The following PDZD9 variants were observed in gnomAD, a reference collection of about 807,000 sequenced individuals.
PDZD9 encodes PDZ domain-containing protein 9.
A neutral mutation model predicts 16.3 loss-of-function variants in PDZD9; 13 were observed. That is an observed-to-expected ratio of 0.80 (90% CI 0.52 to 1.27). The LOEUF is 1.27. Among genes scored for constraint, PDZD9 ranks in the 50% most tolerant of loss-of-function variants. The pLI, the probability that PDZD9 is intolerant of heterozygous loss-of-function variation, is 0.00. For missense variants in PDZD9, 288 were observed against 310.9 expected (o/e 0.93, Z 0.55); for synonymous variants, 120 against 111.0 (o/e 1.08, Z -0.51).
chr16:21,991,321 G>A (rs1436380585), intron 2 of PDZD9, among the ~76,000 whole-genome samples: 2 of 151,172 alleles, frequency 1.3e-5, no homozygotes, highest in African/African-American at 2.4e-5. Context: ...CTGCAGCCTC[G>A]ACCTCCAGGG....
At chr16:21,996,280 G>T in intron 2 of PDZD9, 42 bp downstream of exon 2, 1 of 1,507,624 alleles carries the variant, frequency 6.6e-7, no homozygotes, top group Non-Finnish European at 8.9e-7. Context: ...CAGGCAGATG[G>T]GCAGGATGGG....
chr16:21,968,550 C>A, the PDZD9 span: 1 of 1,350,088 alleles, frequency 7.4e-7, no homozygotes, highest in Non-Finnish European at 1.0e-6. Context: ...TTATTTTCTT[C>A]CAAACTGTAC....
intron 2 of PDZD9, among the ~76,000 whole-genome samples, chr16:21,989,782 G>A (rs1898978077): frequency 6.6e-6 from 1 of 152,190 alleles, no homozygotes; most frequent in African/African-American, 2.4e-5. Flanking sequence ...CAGCTTCCGA[G>A]TCCCTGGCAG....
At chr16:21,971,456 G>A in the PDZD9 span, 1 of 1,322,124 alleles carries the variant, frequency 7.6e-7, no homozygotes, top group Non-Finnish European at 1.1e-6. Flanking sequence ...TTAAAACAAG[G>A]AAAAAATATT....
At chr16:21,994,263 A>G (rs556737199) in intron 2 of PDZD9, among the ~76,000 whole-genome samples, 12 of 152,364 alleles carry the variant, frequency 7.9e-5, no homozygotes, top group African/African-American at 2.9e-4. Flanking sequence ...ATCCCAATTC[A>G]AAGATGAGGT....
At chr16:21,988,460 A>G (rs71376709) in intron 3 of PDZD9, 142 bp downstream of exon 3, 68,166 of 685,648 alleles carry the variant, frequency 0.099, 4,634 homozygotes, top group South Asian at 0.26. Context: ...AATACCAGAA[A>G]CCCAGGAAAT....
chr16:21,966,986 T>C, the PDZD9 span, among the ~76,000 whole-genome samples: 7 of 152,216 alleles, frequency 4.6e-5, no homozygotes, highest in African/African-American at 1.7e-4. Flanking sequence ...AAGCAATTTA[T>C]GGATTAGGAC....
chr16:22,001,116 C>A lies in PDZD9; in HGVS notation c.-69G>T. ...AGGCTGGAGTCAGTCCCAATGCCAA[C>A]AGTTTCGAACCTTGCCCGCGGGCAC... On this transcript the variant is annotated 5_prime_UTR_variant, in exon 1 of 4. Coordinates refer to ENST00000424898, the MANE Select transcript of PDZD9 (RefSeq NM_001363519.1). 7.4e-7 allele frequency: 1 copy of A among 1,355,874 alleles called. No individual in the cohort carries two copies. 84.0% of individuals were successfully genotyped at this position (1,355,874 alleles called of 1,614,324 possible).
At chr16:21,966,171 T>C in the PDZD9 span, among the ~76,000 whole-genome samples, 1 of 151,134 alleles carries the variant, frequency 6.6e-6, no homozygotes, top group Non-Finnish European at 1.5e-5. Flanking sequence ...TATATATATA[T>C]GTGTGTGTGT....
chr16:21,994,244 C>A (rs1019285617), intron 2 of PDZD9, among the ~76,000 whole-genome samples: 2 of 152,188 alleles, frequency 1.3e-5, no homozygotes, highest in African/African-American at 4.8e-5. Context: ...CTCTGACAAA[C>A]ACAGGAATAT....
chr16:21,957,607 G>C, the PDZD9 span: 1 of 1,604,390 alleles, frequency 6.2e-7, no homozygotes, highest in Non-Finnish European at 8.5e-7. Flanking sequence ...AAATGCTGTG[G>C]TATCTTGGTC....
Position 21,988,786 on chromosome 16 carries a change from C to A in PDZD9, c.217G>T (p.Val73Phe). The change falls in exon 3 of 4, where the codon GTT (valine) becomes TTT (phenylalanine). Residue 73 changes from valine to phenylalanine, a missense_variant. Physicochemically the swap from Val to Phe is conservative, Grantham distance 50. Transcript: ENST00000424898. ...ANDGKLQPGD[V>F]LISVGHANVL... ...TTGGCATGGCCAACACTAATCAGAA[C>A]ATCACCTGAAGAGGGAAAAAATTAT... 4.4e-6 allele frequency: 7 copies of A among 1,604,436 alleles called. No individual in the cohort carries two copies. Among genetic ancestry groups the A allele is most frequent in the Non-Finnish European group, 4.2e-6 (5 of 1,177,852 alleles).
downstream of PDZD9, among the ~76,000 whole-genome samples, chr16:21,979,154 G>C (rs986622105): frequency 1.3e-5 from 2 of 152,198 alleles, no homozygotes; most frequent in African/African-American, 4.8e-5. Flanking sequence ...TGTGGGCCAG[G>C]TGGAGTTGTC....
the PDZD9 span, among the ~76,000 whole-genome samples, chr16:21,959,160 A>G: frequency 3.3e-5 from 5 of 152,188 alleles, no homozygotes; most frequent in African/African-American, 7.2e-5. Flanking sequence ...AAATCAGACA[A>G]CAGTGAAGTT....
At chr16:21,996,599 T>A in intron 1 of PDZD9, 98 bp from the exon 2 acceptor site, 2 of 1,117,732 alleles carry the variant, frequency 1.8e-6, no homozygotes, top group Non-Finnish European at 2.5e-6. Context: ...GACAGTTATT[T>A]AATCCCTGTT....
At position 21,985,689 on chromosome 16, in the gene PDZD9, C is replaced by T. The variant is rs934410388; in HGVS notation, c.402-1029G>A. On this transcript the variant is annotated intron_variant, in intron 3 of 3. Transcript: ENST00000424898. ...TTACAAATCTCTGGTACATTCTGCC[C>T]TGCTAAAAGGAAATAGGTTTCTTCC... is the stretch of plus-strand genomic sequence containing the variant. 2.0e-5 allele frequency among the ~76,000 whole-genome samples: 3 copies of T among 152,198 alleles called. No individual in the cohort carries two copies. In the East Asian group the frequency reaches 5.8e-4, roughly 29 times the overall value.
rs569091952 is a variant in PDZD9 at position 21,994,253 on chromosome 16, A to G, written c.211+2069T>C. Among the ~76,000 whole-genome samples, 8 of 152,314 alleles carry G rather than the reference A, an allele frequency of 5.3e-5. No homozygotes were observed. In the South Asian group the frequency reaches 1.7e-3, roughly 32 times the overall value. ...CGCAACCTCTGACAAACACAGGAAT[A>G]TCCCAATTCAAAGATGAGGTGACTA... On this transcript the variant is annotated intron_variant, in intron 2 of 3. Transcript: ENST00000424898.
chr16:21,998,875 C>G (rs1287072766), intron 1 of PDZD9: 3 of 196,958 alleles, frequency 1.5e-5, no homozygotes, highest in African/African-American at 7.1e-5. Context: ...CATGCAATCT[C>G]CTGTCTCAAA....
the PDZD9 span, among the ~76,000 whole-genome samples, chr16:21,965,935 A>G: frequency 3.3e-5 from 5 of 152,108 alleles, no homozygotes; most frequent in South Asian, 4.1e-4. Context: ...CCTTCTGCCT[A>G]TGCCTCTCAA....
Sources: gnomAD v4.1 joint callset for allele counts (sites outside exome capture counted in the v4.1 genomes callset) on GRCh38, gnomAD v4.1.1 for gene constraint, MANE v1.5 for transcripts, NCBI Gene and HGNC (gene_info 2026-07-23, HGNC 2026-07-21) for gene names.